The following SOX6 variants were observed in gnomAD, a reference collection of about 807,000 sequenced individuals.
SOX6 encodes SRY-box transcription factor 6.
SOX6 carries 11 observed loss-of-function variants against 97.8 expected under a neutral mutation model. The ratio of observed to expected loss-of-function variants is 0.11; its 90% CI spans 0.07 to 0.19. The LOEUF is 0.19. Among genes scored for constraint, SOX6 ranks in the 10% least tolerant of loss-of-function variants. The probability of loss-of-function intolerance (pLI) is 1.00; values close to 1 mark genes in which losing one functional copy is unlikely to be tolerated. For missense variants in SOX6, 810 were observed against 1,039.5 expected (o/e 0.78, Z 3.04); for synonymous variants, 360 against 371.4 (o/e 0.97, Z 0.35).
chr11:16,007,803 A>ATG (rs1447527071), intron 13 of SOX6, among the ~76,000 whole-genome samples: 1 of 152,058 alleles, frequency 6.6e-6, no homozygotes, highest in Non-Finnish European at 1.5e-5. Context: ...GTTTAATCTA[A>ATG]TGTGTTGGTT....
intron 4 of SOX6, among the ~76,000 whole-genome samples, chr11:16,593,247 G>T (rs1006618268): frequency 6.6e-6 from 1 of 152,168 alleles, no homozygotes; most frequent in Non-Finnish European, 1.5e-5. Context: ...GTGGCAAGGA[G>T]TCATGGAAAT....
intron 3 of SOX6, among the ~76,000 whole-genome samples, chr11:16,649,762 C>T (rs1288897082): frequency 6.6e-6 from 1 of 150,964 alleles, no homozygotes; most frequent in Non-Finnish European, 1.5e-5. Flanking sequence ...ATGAATAGAA[C>T]AGTACATAAC....
At chr11:16,319,141 A>G (rs1463721727) in intron 2 of SOX6, among the ~76,000 whole-genome samples, 1 of 152,230 alleles carries the variant, frequency 6.6e-6, no homozygotes, top group Non-Finnish European at 1.5e-5. Context: ...TAGCTTCAGT[A>G]GCCAATGTTC....
At chr11:16,276,997 A>C (rs1590085131) in intron 3 of SOX6, among the ~76,000 whole-genome samples, 1 of 152,200 alleles carries the variant, frequency 6.6e-6, no homozygotes, top group African/African-American at 2.4e-5. Context: ...GTTTAATCTA[A>C]GACATAAATG....
chr11:16,250,279 C>T (rs1039267295), intron 3 of SOX6, among the ~76,000 whole-genome samples: 8 of 63,408 alleles, frequency 1.3e-4, no homozygotes, highest in South Asian at 1.0e-3. Flanking sequence ...TTGCAAGCCA[C>T]GGCCTTGCCT....
intron 3 of SOX6, among the ~76,000 whole-genome samples, chr11:16,709,892 T>G (rs770742557): frequency 2.0e-5 from 3 of 152,204 alleles, no homozygotes; most frequent in South Asian, 4.1e-4. Context: ...TATCTCACAC[T>G]TCTCCTCTAC....
At chr11:16,331,265 C>T (rs1433749901) in intron 2 of SOX6, among the ~76,000 whole-genome samples, 1 of 152,144 alleles carries the variant, frequency 6.6e-6, no homozygotes, top group Non-Finnish European at 1.5e-5. Flanking sequence ...CTCTTCATAC[C>T]TCACAAATCC....
chr11:16,721,599 T>TC (rs1564877431), intron 2 of SOX6, among the ~76,000 whole-genome samples: 1 of 26,058 alleles, frequency 3.8e-5, no homozygotes, highest in Non-Finnish European at 6.7e-5. Context: ...TCTCTCTCTC[T>TC]TCCCTCCCTC....
At chr11:15,982,079 A>C (rs1853671216) in intron 15 of SOX6, among the ~76,000 whole-genome samples, 1 of 151,970 alleles carries the variant, frequency 6.6e-6, no homozygotes. Context: ...GTGCAGATCT[A>C]GTATTTGAGC....
chr11:16,532,398 C>T (rs1861249244), intron 4 of SOX6, among the ~76,000 whole-genome samples: 1 of 151,878 alleles, frequency 6.6e-6, no homozygotes, highest in African/African-American at 2.4e-5. Context: ...ACACTGGGCT[C>T]TAAATTAATT....
intron 6 of SOX6, 46 bp from the exon 7 acceptor site, chr11:16,111,969 T>C (rs1453839712): frequency 6.2e-7 from 1 of 1,610,418 alleles, no homozygotes; most frequent in East Asian, 2.2e-5. Flanking sequence ...AGCAAATGTA[T>C]GCCAAGAAGA....
At chr11:16,718,841 A>G (rs1848237722) in intron 2 of SOX6, among the ~76,000 whole-genome samples, 1 of 152,054 alleles carries the variant, frequency 6.6e-6, no homozygotes, top group Non-Finnish European at 1.5e-5. Flanking sequence ...TAAAACATCC[A>G]CATATATAGG....
chr11:16,693,021 C>T (rs1168664805), intron 3 of SOX6, among the ~76,000 whole-genome samples: 1 of 152,112 alleles, frequency 6.6e-6, no homozygotes, highest in East Asian at 1.9e-4. Flanking sequence ...GAGCATTTTC[C>T]ACTTTTCATT....
intron 6 of SOX6, among the ~76,000 whole-genome samples, chr11:16,163,302 T>G (rs1263144614): frequency 1.3e-5 from 2 of 152,168 alleles, no homozygotes; most frequent in African/African-American, 2.4e-5. Context: ...CTGAAAAAAG[T>G]TGAAAGTCAG....
chr11:16,345,957 G>GA (rs1856767138), intron 1 of SOX6, among the ~76,000 whole-genome samples: 1 of 151,738 alleles, frequency 6.6e-6, no homozygotes, highest in Admixed American at 6.6e-5. Context: ...CTGAATTTTT[G>GA]AAAATATTTC....
rs1565181924 is a variant in SOX6, at chr11:16,565,615, G to GTAAAAAACTCGT, written n.609+46465_609+46466insACGAGTTTTTTA. ...CTTGACAGACAAAAATAATTTTAAA[G>GTAAAAAACTCGT]CATGGCACATGTATACATATGTAAC... On this transcript the variant is annotated intron_variant and non_coding_transcript_variant, in intron 4 of 5. Transcript: ENST00000524520. 1.6e-3 allele frequency among the ~76,000 whole-genome samples: 239 copies of GTAAAAAACTCGT among 147,670 alleles called. 117 individuals are homozygous for GTAAAAAACTCGT. Among genetic ancestry groups the GTAAAAAACTCGT allele is most frequent in the Admixed American group, 3.3e-3 (48 of 14,418 alleles).
At chr11:16,508,894 G>C (rs1048126009) in intron 4 of SOX6, among the ~76,000 whole-genome samples, 1 of 151,886 alleles carries the variant, frequency 6.6e-6, no homozygotes, top group East Asian at 1.9e-4. Flanking sequence ...TAAATACCCC[G>C]ACATGATCAT....
At chr11:16,226,002 A>G (rs1852677601) in intron 4 of SOX6, among the ~76,000 whole-genome samples, 1 of 152,172 alleles carries the variant, frequency 6.6e-6, no homozygotes, top group African/African-American at 2.4e-5. Flanking sequence ...TTAACAGTGA[A>G]CTATAATGAT....
Position 16,498,526 on chromosome 11 carries a change from G to C in SOX6, n.610-22138C>G, listed in dbSNP as rs537246891. On this transcript the variant is annotated intron_variant and non_coding_transcript_variant, in intron 4 of 5. Coordinates refer to the SOX6 transcript ENST00000524520. Reference sequence around the variant, plus strand: ...GACACAGACTGGCAAATTGGATAAAGAGTCAAGACCCATCAGTGTGCTGTA... The same window carrying C: ...GACACAGACTGGCAAATTGGATAAACAGTCAAGACCCATCAGTGTGCTGTA... Among the ~76,000 whole-genome samples, 300 of 152,086 alleles carry C rather than the reference G, an allele frequency of 2.0e-3. 1 individual carries two copies. The highest frequency in any genetic ancestry group is 3.8e-3 in the Non-Finnish European group (255 of 67,990).
Sources: allele counts gnomAD v4.1 joint callset (sites outside exome capture counted in the v4.1 genomes callset), GRCh38; gene constraint gnomAD v4.1.1; transcripts MANE v1.5; gene names NCBI Gene and HGNC (gene_info 2026-07-23, HGNC 2026-07-21).